Variants in BET1 observed in about 807,000 individuals in gnomAD.
BET1 encodes Bet1 golgi vesicular membrane trafficking protein, also known as BET1 homolog.
Under a neutral mutation model 13.9 loss-of-function variants are expected in BET1, and 9 were observed. That is an observed-to-expected ratio of 0.65 (90% CI 0.39 to 1.13). BET1 has a LOEUF of 1.13. Among genes scored for constraint, BET1 ranks in the 50% most tolerant of loss-of-function variants. The pLI, the probability that BET1 is intolerant of heterozygous loss-of-function variation, is 0.01. For synonymous variants in BET1, 39 were observed against 47.3 expected (o/e 0.82, Z 0.72); for missense variants, 127 against 133.6 (o/e 0.95, Z 0.24).
rs554714988 is a variant in BET1 at position 93,987,419 on chromosome 7, G to A, written c.235+6933C>T. The A allele has an allele frequency of 5.3e-5, 8 of 152,324 alleles. No individual in the cohort carries two copies. The East Asian group carries it at 1.5e-3, about 29-fold the overall frequency. The allele number at this position is 152,324 out of a possible 1,614,324, so 9.4% of individuals were successfully genotyped here. On this transcript the variant is annotated intron_variant and NMD_transcript_variant, in intron 4 of 6. Transcript: ENST00000357520. ...GAGAAACTTGCAGGAGTTGTGCAAG[G>A]TGCAGTTCTGCATGTCTTGTTCCAA...
In BET1 at chr7:93,982,483, G is replaced by A. The variant is rs73715579; in HGVS notation, c.236-6383C>T. On this transcript the variant is annotated intron_variant and NMD_transcript_variant, in intron 4 of 6. Coordinates refer to the BET1 transcript ENST00000357520. ...ATTCAGTCCATTGAGTTTCTACTAT[G>A]TGCCAGATACTATGTTGGGCTTGGA... 7.8e-3 allele frequency among the ~76,000 whole-genome samples: 1,193 copies of A among 152,138 alleles called. 21 individuals carry two copies. The highest frequency in any genetic ancestry group is 0.028 in the African/African-American group (1,143 of 41,494).
intron 6 of BET1, among the ~76,000 whole-genome samples, chr7:93,968,025 C>T (rs543023903): frequency 5.3e-5 from 8 of 151,794 alleles, no homozygotes; most frequent in South Asian, 2.1e-4. Flanking sequence ...ATTTTCTTAA[C>T]GTAATAATGA....
chr7:94,001,969 C>T (rs1795916141), intron 1 of BET1, among the ~76,000 whole-genome samples: 2 of 152,114 alleles, frequency 1.3e-5, no homozygotes, highest in African/African-American at 4.8e-5. Flanking sequence ...TTGTATTTAT[C>T]GTCCAGAAAT....
In BET1 at chr7:93,993,866, C is replaced by A; in HGVS notation, c.*364G>T. ...AGAGCTCAGAGTCAGGCTCTCCAGGCATTCTGTTACTCTCCCACTAAGTTT... is the reference window on the plus strand; with the variant it reads ...AGAGCTCAGAGTCAGGCTCTCCAGGAATTCTGTTACTCTCCCACTAAGTTT... On this transcript the variant is annotated 3_prime_UTR_variant, in exon 4 of 4. Transcript: ENST00000222547. 6.5e-7 allele frequency: 1 copy of A among 1,535,618 alleles called. No individual in the cohort carries two copies. Among genetic ancestry groups the A allele is most frequent in the Non-Finnish European group, 8.7e-7 (1 of 1,146,692 alleles).
chr7:93,976,370 G>GTGTGTA (rs1562800987), intron 4 of BET1, among the ~76,000 whole-genome samples: 1 of 151,488 alleles, frequency 6.6e-6, no homozygotes, highest in African/African-American at 2.4e-5. Context: ...GTGTGTGTGT[G>GTGTGTA]TAAACATACA....
At chr7:93,983,327 G>GTC (rs1467959196) in intron 4 of BET1, among the ~76,000 whole-genome samples, 3 of 152,060 alleles carry the variant, frequency 2.0e-5, no homozygotes, top group Admixed American at 1.3e-4. Flanking sequence ...ATCAACTCTT[G>GTC]TCTTTAAAAT....
intron 3 of BET1, among the ~76,000 whole-genome samples, chr7:93,994,928 CT>C (rs951256468): frequency 1.9e-4 from 29 of 152,360 alleles, no homozygotes; most frequent in Admixed American, 1.4e-3. Flanking sequence ...ACTGCAATCT[CT>C]GCCTCCCAGG....
chr7:93,993,491 T>C lies in BET1; in HGVS notation c.*739A>G, dbSNP rs1486772590. 1.0e-6 allele frequency: 1 copy of C among 982,432 alleles called. No homozygotes were observed. Among genetic ancestry groups the C allele is most frequent in the Non-Finnish European group, 1.2e-6 (1 of 824,924 alleles). The allele number at this position is 982,432 out of a possible 1,614,324, so 60.9% of individuals were successfully genotyped here. A position where few individuals can be genotyped will look rare whatever the true frequency, so the allele number is the denominator to read the frequency against. On this transcript the variant is annotated 3_prime_UTR_variant, in exon 4 of 4. Coordinates refer to ENST00000222547, the MANE Select transcript of BET1 (RefSeq NM_005868.6). ...GTAATTACTTAACTTCACATTATTC[T>C]GTCACAAATGATAAATGTGCTACCT...
intron 6 of BET1, among the ~76,000 whole-genome samples, chr7:93,966,911 A>G (rs2116013867): frequency 6.6e-6 from 1 of 151,970 alleles, no homozygotes; most frequent in South Asian, 2.1e-4. Flanking sequence ...ATCCTAAATG[A>G]GATGTTTCTT....
At chr7:93,965,453 TC>T (rs1465724654) in exon 7 of BET1, 1 of 152,100 alleles carries the variant, frequency 6.6e-6, no homozygotes, top group African/African-American at 2.4e-5. Flanking sequence ...TAATATATAA[TC>T]TATACAATTT....
At chr7:93,989,163 G>A (rs966639626), downstream of BET1, among the ~76,000 whole-genome samples, 3 of 151,156 alleles carry the variant, frequency 2.0e-5, no homozygotes, top group Non-Finnish European at 2.9e-5. Flanking sequence ...ACAGATGCCC[G>A]CCACCACGCC....
intron 3 of BET1, 180 bp downstream of exon 3, chr7:93,996,085 G>A (rs951254037): frequency 1.4e-5 from 8 of 555,286 alleles, no homozygotes; most frequent in African/African-American, 4.0e-5. Context: ...TGCGTAAGAC[G>A]AGATGAAAAA....
chr7:94,003,567 CT>C (rs1795961521), intron 1 of BET1, among the ~76,000 whole-genome samples: 1 of 152,094 alleles, frequency 6.6e-6, no homozygotes, highest in Non-Finnish European at 1.5e-5. Context: ...CTAACTTATT[CT>C]TGCTGATGAG....
Position 93,999,283 on chromosome 7 carries a change from G to C in BET1, c.31C>G (p.Pro11Ala). Residue 11 changes from proline (P) to alanine (A), a missense_variant, in exon 2 of 4, where the codon CCT (proline) becomes GCT (alanine). Pro to Ala is a conservative substitution (Grantham distance 27). Transcript: ENST00000222547. Reference protein sequence around the residue: MRRAGLGEGVPPGNYGNYGYA... With the variant: MRRAGLGEGVAPGNYGNYGYA... ...CCATAGTTCCCATAGTTGCCAGGAG[G>C]TACTCCTTCACCTGCAAGGATCAGA... The C allele has an allele frequency of 1.2e-6, 2 of 1,610,190 alleles. No individual in the cohort carries two copies. The highest frequency in any genetic ancestry group is 1.7e-6 in the Non-Finnish European group (2 of 1,178,212).
chr7:93,989,079 T>C (rs1795580582), downstream of BET1, among the ~76,000 whole-genome samples: 1 of 151,452 alleles, frequency 6.6e-6, no homozygotes, highest in Admixed American at 6.6e-5. Context: ...AGTGGTGCGA[T>C]CTCGGCTCAC....
Position 94,004,281 on chromosome 7 carries a change from C to T in BET1, c.-65G>A. The T allele has an allele frequency of 6.2e-7, 1 of 1,606,768 alleles. No homozygotes were observed. Among genetic ancestry groups the T allele is most frequent in the South Asian group, 1.1e-5 (1 of 90,890 alleles). On this transcript the variant is annotated 5_prime_UTR_variant, in exon 1 of 4. Transcript: ENST00000222547. The stretch of plus-strand genomic sequence containing the variant: ...TGGGTGAGTAGGAAACAGCTAGGGG[C>T]GACCCGGACCGCGTCTTCAGTACCA...
intron 4 of BET1, among the ~76,000 whole-genome samples, chr7:93,979,990 A>G (rs1347657031): frequency 6.6e-6 from 1 of 152,198 alleles, no homozygotes; most frequent in Non-Finnish European, 1.5e-5. Context: ...GGAGGGAAAG[A>G]GTTGGGCCAT....
chr7:93,969,243 A>T (rs568599350), intron 6 of BET1, among the ~76,000 whole-genome samples: 1 of 151,820 alleles, frequency 6.6e-6, no homozygotes, highest in Non-Finnish European at 1.5e-5. Context: ...AGTTTTAATG[A>T]AATTTCTGTC....
At chr7:93,964,634 AC>A (rs1795145243) in exon 7 of BET1, 2 of 152,152 alleles carry the variant, frequency 1.3e-5, no homozygotes, top group African/African-American at 4.8e-5. Flanking sequence ...CAAAAAAACA[AC>A]CCCATTAAAA....
Sources: allele counts gnomAD v4.1 joint callset (sites outside exome capture counted in the v4.1 genomes callset), GRCh38; gene constraint gnomAD v4.1.1; transcripts MANE v1.5; gene names NCBI Gene and HGNC (gene_info 2026-07-23, HGNC 2026-07-21).